The following CNTROB variants were observed in gnomAD, a reference collection of about 807,000 sequenced individuals.
CNTROB encodes the protein centrobin, centriole duplication and spindle assembly protein.
In CNTROB, 82 loss-of-function variants were observed where a neutral mutation model predicts 115.7. That is an observed-to-expected ratio of 0.71 (90% CI 0.59 to 0.85). The LOEUF is 0.85. Among genes scored for constraint, CNTROB ranks in the 40% least tolerant of loss-of-function variants. The pLI is 0.00. For missense variants in CNTROB, 1,014 were observed against 1,144.4 expected (o/e 0.89, Z 1.64); for synonymous variants, 439 against 456.4 (o/e 0.96, Z 0.49).
chr17:7,939,404 G>C lies in CNTROB; in HGVS notation c.928-109G>C, dbSNP rs145206219. ...CCACCGCACCCGGCCTAATTATTGT[G>C]TTTTTAATGAGCATAATTCTCAGCA... On this transcript the variant is annotated intron_variant, in intron 7 of 18. Coordinates refer to ENST00000563694, the MANE Select transcript of CNTROB (RefSeq NM_053051.5). This position sits in a 1 kb window ranked among gnomAD's most constrained non-coding sequence, Gnocchi z 4.4. The C allele has an allele frequency of 5.7e-3, 5,407 of 952,306 alleles. 12 individuals carry two copies. The highest frequency in any genetic ancestry group is 7.6e-3 in the Non-Finnish European group (4,643 of 611,654). 59.0% of individuals were successfully genotyped at this position (952,306 alleles called of 1,614,324 possible).
chr17:7,941,695 C>T (rs919493896), intron 9 of CNTROB, among the ~76,000 whole-genome samples: 6 of 151,666 alleles, frequency 4.0e-5, no homozygotes, highest in African/African-American at 1.2e-4. Context: ...TGTGGTGGCT[C>T]GCACCTGGAA....
rs1166186334 is a variant in CNTROB, at chr17:7,939,970, A to T, written c.1165-126A>T. 3 of 1,235,678 alleles carry T rather than the reference A, an allele frequency of 2.4e-6. No homozygotes were observed. Among genetic ancestry groups the T allele is most frequent in the Non-Finnish European group, 3.4e-6 (3 of 891,178 alleles). The allele number at this position is 1,235,678 out of a possible 1,614,324, so 76.5% of individuals were successfully genotyped here. A position where few individuals can be genotyped will look rare whatever the true frequency, so the allele number is the denominator to read the frequency against. ...GACTGAAATTCAACAGGGATGGGGA[A>T]ATAAAACAAATGGGAGGAGCTGGGG... On this transcript the variant is annotated intron_variant, in intron 8 of 18. Coordinates refer to ENST00000563694, the MANE Select transcript of CNTROB (RefSeq NM_053051.5). This position sits in a 1 kb window ranked among gnomAD's most constrained non-coding sequence, Gnocchi z 4.4.
chr17:7,949,702 G>A lies in CNTROB; in HGVS notation c.*192G>A. On this transcript the variant is annotated 3_prime_UTR_variant, in exon 19 of 19. Transcript: ENST00000563694. ...ACATGTTTATATGTCATTTCCTGTG[G>A]GAAAAGACATGAATGCTTTGGAAGA... 2.0e-6 allele frequency: 1 copy of A among 490,302 alleles called. No homozygotes were observed. Among genetic ancestry groups the A allele is most frequent in the Non-Finnish European group, 3.4e-6 (1 of 295,156 alleles). 30.4% of individuals were successfully genotyped at this position (490,302 alleles called of 1,614,324 possible). A position where few individuals can be genotyped will look rare whatever the true frequency, so the allele number is the denominator to read the frequency against.
At chr17:7,941,389 C>T (rs1293002264) in intron 9 of CNTROB, among the ~76,000 whole-genome samples, 1 of 151,904 alleles carries the variant, frequency 6.6e-6, no homozygotes, top group East Asian at 1.9e-4. Context: ...CACTTGAGCC[C>T]AGGAGTTTGA....
In CNTROB at chr17:7,948,943, T is replaced by C. The variant is rs1435573093; in HGVS notation, c.2514-142T>C. The C allele has an allele frequency of 6.5e-7, 1 of 1,542,376 alleles. No homozygotes were observed. Among genetic ancestry groups the C allele is most frequent in the African/African-American group, 1.4e-5 (1 of 73,144 alleles). ...GTAACTCGTTATTTACTTCCACTAA[T>C]GTCTCCTCCCAGTTGATGCCCAGGT... On this transcript the variant is annotated intron_variant, in intron 17 of 18. Transcript: ENST00000563694. The surrounding 1 kb of genome is among the most constrained non-coding windows in gnomAD (Gnocchi z 4.4).
At chr17:7,936,240 C>T (rs1400780513) in intron 4 of CNTROB, 126 bp from the exon 5 acceptor site, 2 of 711,110 alleles carry the variant, frequency 2.8e-6, no homozygotes, top group Non-Finnish European at 5.2e-6. Flanking sequence ...CTCTCCAGAC[C>T]TATTCTGTTC....
At position 7,947,699 on chromosome 17, in the gene CNTROB, G is replaced by A. The variant is rs1974716786; in HGVS notation, c.2122G>A (p.Gly708Ser). The A allele has an allele frequency of 1.9e-6, 3 of 1,611,772 alleles. No individual in the cohort carries two copies. In the Admixed American group the frequency reaches 5.0e-5, roughly 27 times the overall value. The stretch of plus-strand genomic sequence containing the variant: ...AGGGCTGCCGCCTGCTCAGCTGGAG[G>A]GCCTCAAGAATTTTTTGCACCAGGT... Reference protein sequence around the residue: ...KQGLPPAQLEGLKNFLHQLLE... With the variant: ...KQGLPPAQLESLKNFLHQLLE... Residue 708 changes from glycine to serine, a missense_variant, in exon 14 of 19, where the codon GGC becomes AGC. Gly to Ser is a moderately conservative substitution (Grantham distance 56). Transcript: ENST00000563694.
Position 7,947,594 on chromosome 17 carries a change from G to A in CNTROB, c.2017G>A (p.Ala673Thr), listed in dbSNP as rs779635312. The A allele has an allele frequency of 6.2e-7, 1 of 1,610,090 alleles. No homozygotes were observed. The highest frequency in any genetic ancestry group is 2.2e-5 in the East Asian group (1 of 44,736). The change falls in exon 14 of 19, where the codon GCC (alanine) becomes ACC (threonine). Residue 673 changes from alanine to threonine, a missense_variant. Coordinates refer to ENST00000563694, the MANE Select transcript of CNTROB (RefSeq NM_053051.5). ...STAGAFSALGAFHPDHRAERP... is the reference protein window; with the variant it reads ...STAGAFSALGTFHPDHRAERP... Reference sequence around the variant, plus strand: ...AGCTGGGGCCTTCTCTGCACTTGGGGCCTTCCATCCCGATCATAGGGCAGA... The same window carrying A: ...AGCTGGGGCCTTCTCTGCACTTGGGACCTTCCATCCCGATCATAGGGCAGA...
At chr17:7,947,827 T>A in intron 14 of CNTROB, 89 bp from the exon 15 acceptor site, 1 of 1,608,182 alleles carries the variant, frequency 6.2e-7, no homozygotes, top group Non-Finnish European at 8.5e-7. Flanking sequence ...TGTTTATGAC[T>A]AACTCTTTGT....
rs998115312 is a variant in CNTROB, at chr17:7,935,106, G to C, written c.555G>C (p.Gly185=). The change falls in exon 4 of 19, where the codon GGG becomes GGC. Residue 185 remains glycine, a synonymous_variant. Coordinates refer to ENST00000563694, the MANE Select transcript of CNTROB (RefSeq NM_053051.5). ...CACTCAATCCCCCAGATTTTCAGGGGCTGAGAGATGCATTGGATTCAGAGC... is the reference window on the plus strand; with the variant it reads ...CACTCAATCCCCCAGATTTTCAGGGCCTGAGAGATGCATTGGATTCAGAGC... ...GPPLNPPDFQ[G]LRDALDSEHT... is the part of the protein sequence containing the mutation. 1.9e-6 allele frequency: 3 copies of C among 1,613,974 alleles called. No individual in the cohort carries two copies. Among genetic ancestry groups the C allele is most frequent in the Non-Finnish European group, 2.5e-6 (3 of 1,180,026 alleles).
At position 7,944,181 on chromosome 17, in the gene CNTROB, C is replaced by A; in HGVS notation, c.1504C>A (p.Gln502Lys). Residue 502 changes from glutamine (Q) to lysine (K), a missense_variant, in exon 11 of 19, where the codon CAG (glutamine) becomes AAG (lysine). Transcript: ENST00000563694. The surrounding 1 kb of genome is among the most constrained non-coding windows in gnomAD (Gnocchi z 4.0). ...HQQELASQLA[Q>K]FKVEMAEREE... The stretch of plus-strand genomic sequence containing the variant: ...GCAGGAGCTGGCCAGTCAGCTAGCT[C>A]AGTTCAAGGTGGAAATGGCAGAACG... The A allele has an allele frequency of 6.2e-7, 1 of 1,612,266 alleles. No homozygotes were observed. The highest frequency in any genetic ancestry group is 1.1e-5 in the South Asian group (1 of 91,032).
At position 7,944,556 on chromosome 17, in the gene CNTROB, A is replaced by G; in HGVS notation, c.1652A>G (p.Glu551Gly). Reference sequence around the variant, plus strand: ...GAGGAGCAGCGGGTGGAGCTGGTGGAAAGACTGCAGGCCATGCTGCAGGCC... The same window carrying G: ...GAGGAGCAGCGGGTGGAGCTGGTGGGAAGACTGCAGGCCATGCTGCAGGCC... ...QLEEQRVELV[E>G]RLQAMLQAHW... Residue 551 changes from glutamate (E) to glycine (G), a missense_variant, in exon 12 of 19, where the codon GAA becomes GGA. Physicochemically the swap from Glu to Gly is moderately conservative, Grantham distance 98 (BLOSUM62 -2). Transcript: ENST00000563694. This position sits in a 1 kb window ranked among gnomAD's most constrained non-coding sequence, Gnocchi z 4.0. 1 of 1,614,092 alleles carries G rather than the reference A, an allele frequency of 6.2e-7. No homozygotes were observed. Among genetic ancestry groups the G allele is most frequent in the Non-Finnish European group, 8.5e-7 (1 of 1,179,952 alleles).
intron 7 of CNTROB, among the ~76,000 whole-genome samples, chr17:7,937,802 C>CA (rs1427928631): frequency 6.6e-6 from 1 of 151,486 alleles, no homozygotes; most frequent in Non-Finnish European, 1.5e-5. Context: ...GACTCCATCT[C>CA]AAAAAATAAA....
At chr17:7,938,049 C>T (rs1342095293) in intron 7 of CNTROB, among the ~76,000 whole-genome samples, 8 of 137,188 alleles carry the variant, frequency 5.8e-5, no homozygotes, top group African/African-American at 2.2e-4. Context: ...GTTGTCCAGG[C>T]TGGAGTGCAG....
chr17:7,948,094 T>G lies in CNTROB; in HGVS notation c.2210-63T>G. On this transcript the variant is annotated intron_variant, in intron 15 of 18. Coordinates refer to ENST00000563694, the MANE Select transcript of CNTROB (RefSeq NM_053051.5). This position sits in a 1 kb window ranked among gnomAD's most constrained non-coding sequence, Gnocchi z 4.4. ...GTAATAAAGCCTTATAAATGCTGGG[T>G]GGTGGGACTTCCTTGGTTCTATGCC... 1 of 1,602,916 alleles carries G rather than the reference T, an allele frequency of 6.2e-7. No individual in the cohort carries two copies. Among genetic ancestry groups the G allele is most frequent in the Non-Finnish European group, 8.5e-7 (1 of 1,170,318 alleles).
At position 7,949,757 on chromosome 17, in the gene CNTROB, G is replaced by T. The variant is rs1975006693; in HGVS notation, c.*247G>T. ...CTATGACAAGATTTGGAAAGTTGGG[G>T]CGGCTAAGATTCAGTGGACAAAGCT... On this transcript the variant is annotated 3_prime_UTR_variant, in exon 19 of 19. Coordinates refer to ENST00000563694, the MANE Select transcript of CNTROB (RefSeq NM_053051.5). 1.3e-5 allele frequency: 5 copies of T among 379,736 alleles called. No homozygotes were observed. Among genetic ancestry groups the T allele is most frequent in the African/African-American group, 2.1e-5 (1 of 47,852 alleles). 23.5% of individuals were successfully genotyped at this position (379,736 alleles called of 1,614,324 possible). A position where few individuals can be genotyped will look rare whatever the true frequency, so the allele number is the denominator to read the frequency against.
In CNTROB at chr17:7,944,496, GA is replaced by G. The variant is rs1974286998; in HGVS notation, c.1593del (p.Val532CysfsTer78). The G allele has an allele frequency of 6.2e-7, 1 of 1,613,966 alleles. No homozygotes were observed. The highest frequency in any genetic ancestry group is 1.3e-5 in the African/African-American group (1 of 74,980). On this transcript the variant is annotated frameshift_variant, in exon 12 of 19. Coordinates refer to ENST00000563694, the MANE Select transcript of CNTROB (RefSeq NM_053051.5). LOFTEE classifies it high-confidence loss of function. The surrounding 1 kb of genome is among the most constrained non-coding windows in gnomAD (Gnocchi z 4.0). ...TTCAGACTGGCCCGGGAGCAAGCGCGAGTGTGCGAACTGCAGAGTGGGAACC... is the reference window on the plus strand; with the variant it reads ...TTCAGACTGGCCCGGGAGCAAGCGCGGTGTGCGAACTGCAGAGTGGGAACC... ...YELRLAREQA[R>X]VCELQSGNQQ...
Position 7,947,598 on chromosome 17 carries a change from T to G in CNTROB, c.2021T>G (p.Phe674Cys), listed in dbSNP as rs1974697390. 1 of 1,611,830 alleles carries G rather than the reference T, an allele frequency of 6.2e-7. No individual in the cohort carries two copies. The highest frequency in any genetic ancestry group is 8.5e-7 in the Non-Finnish European group (1 of 1,178,378). Residue 674 changes from phenylalanine (F) to cysteine (C), a missense_variant, in exon 14 of 19, where the codon TTC (phenylalanine) becomes TGC (cysteine). Transcript: ENST00000563694. ...TAGAFSALGAFHPDHRAERPF... is the reference protein window; with the variant it reads ...TAGAFSALGACHPDHRAERPF... Reference sequence around the variant, plus strand: ...GGGGCCTTCTCTGCACTTGGGGCCTTCCATCCCGATCATAGGGCAGAAAGG... The same window carrying G: ...GGGGCCTTCTCTGCACTTGGGGCCTGCCATCCCGATCATAGGGCAGAAAGG...
rs557671424 is a variant in CNTROB, at chr17:7,948,032, T to G, written c.2209+53T>G. On this transcript the variant is annotated intron_variant, in intron 15 of 18. Transcript: ENST00000563694. The surrounding 1 kb of genome is among the most constrained non-coding windows in gnomAD (Gnocchi z 4.4). ...GGCTGGGGCCTAGGAAAGATCGGAG[T>G]TGGTTATCTAGGATGAATTTTTAGG... is the stretch of plus-strand genomic sequence containing the variant. The G allele has an allele frequency of 6.3e-7, 1 of 1,596,018 alleles. No individual in the cohort carries two copies. Among genetic ancestry groups the G allele is most frequent in the Non-Finnish European group, 8.6e-7 (1 of 1,164,150 alleles).
Sources: allele counts gnomAD v4.1 joint callset (sites outside exome capture counted in the v4.1 genomes callset), GRCh38; gene constraint gnomAD v4.1.1; non-coding constraint Gnocchi (gnomAD v3.1); transcripts MANE v1.5; gene names NCBI Gene and HGNC (gene_info 2026-07-23, HGNC 2026-07-21).